The following MSI2 variants were observed in gnomAD, a reference collection of about 807,000 sequenced individuals.
MSI2 encodes RNA-binding protein Musashi homolog 2.
Under a neutral mutation model 45.6 loss-of-function variants are expected in MSI2, and 17 were observed. That is an observed-to-expected ratio of 0.37 (90% CI 0.26 to 0.56). The LOEUF (loss-of-function observed/expected upper bound fraction) is 0.56, where lower values mean the gene tolerates loss of function less well. Ranked by LOEUF, MSI2 falls within the 20% of genes least tolerant of loss-of-function variation. MSI2 has a pLI of 0.77. For missense variants in MSI2, 293 were observed against 444.2 expected, an observed-to-expected ratio of 0.66 and a Z score of 3.06; for synonymous variants, 156 against 158.2, an observed-to-expected ratio of 0.99 and a Z score of 0.11.
Position 57,608,613 on chromosome 17 carries a change from G to C in MSI2, c.538-7357G>C, listed in dbSNP as rs971504358. On this transcript the variant is annotated intron_variant, in intron 8 of 13. Transcript: ENST00000284073. Reference sequence around the variant, plus strand: ...GGCCCTGTCCTCAGAGGCCCCCCACGCTGGTCTAATGCTCTGCTCTTTGTT... The same window carrying C: ...GGCCCTGTCCTCAGAGGCCCCCCACCCTGGTCTAATGCTCTGCTCTTTGTT... Among the ~76,000 whole-genome samples the C allele has an allele frequency of 2.6e-5, 4 of 152,240 alleles. No individual in the cohort carries two copies. The East Asian group carries it at 7.7e-4, about 29-fold the overall frequency.
intron 6 of MSI2, among the ~76,000 whole-genome samples, chr17:57,460,021 C>T (rs1266634468): frequency 1.3e-5 from 2 of 151,556 alleles, no homozygotes; most frequent in Non-Finnish European, 2.9e-5. Flanking sequence ...CTCAGCTACT[C>T]GGGAGGCTGA....
At chr17:57,605,198 C>T (rs978473274) in intron 8 of MSI2, among the ~76,000 whole-genome samples, 1 of 152,220 alleles carries the variant, frequency 6.6e-6, no homozygotes, top group African/African-American at 2.4e-5. Context: ...GGGAGAGATC[C>T]TGCCCCCCAC....
At chr17:57,355,457 A>G (rs1916346524) in intron 5 of MSI2, among the ~76,000 whole-genome samples, 2 of 152,170 alleles carry the variant, frequency 1.3e-5, no homozygotes, top group Admixed American at 6.5e-5. Context: ...GTGTATGTCC[A>G]GCTTTGGTCT....
chr17:57,347,129 G>A (rs185886495), intron 5 of MSI2, among the ~76,000 whole-genome samples: 77 of 151,110 alleles, frequency 5.1e-4, no homozygotes, highest in Middle Eastern at 3.4e-3. Context: ...GCACTCTACT[G>A]TAGTGACTTC....
intron 6 of MSI2, among the ~76,000 whole-genome samples, chr17:57,521,523 G>A (rs2086584324): frequency 6.6e-6 from 1 of 152,202 alleles, no homozygotes; most frequent in Non-Finnish European, 1.5e-5. Context: ...CTAAGACTGA[G>A]TTAAGCTTAA....
intron 5 of MSI2, among the ~76,000 whole-genome samples, chr17:57,270,425 A>G (rs1166350469): frequency 6.6e-6 from 1 of 152,236 alleles, no homozygotes; most frequent in African/African-American, 2.4e-5. Flanking sequence ...TGCATCCAAC[A>G]TGAGTGGGCA....
At chr17:57,606,046 C>T (rs1395015655) in intron 8 of MSI2, among the ~76,000 whole-genome samples, 1 of 152,266 alleles carries the variant, frequency 6.6e-6, no homozygotes, top group Non-Finnish European at 1.5e-5. Flanking sequence ...GGGAAGCTCT[C>T]TTTGCACATC....
intron 11 of MSI2, among the ~76,000 whole-genome samples, chr17:57,653,953 G>A (rs1391782266): frequency 2.5e-5 from 3 of 120,140 alleles, no homozygotes; most frequent in South Asian, 2.6e-4. Flanking sequence ...TTTTTTTTTC[G>A]GGATCAATGG....
intron 5 of MSI2, among the ~76,000 whole-genome samples, chr17:57,337,811 G>T (rs941185470): frequency 2.6e-5 from 4 of 152,142 alleles, no homozygotes; most frequent in African/African-American, 4.8e-5. Flanking sequence ...ATAGAAAAGT[G>T]CAAATAAATG....
intron 3 of MSI2, 41 bp downstream of exon 3, chr17:57,257,588 A>G (rs2143139180): frequency 7.0e-7 from 1 of 1,419,960 alleles, no homozygotes; most frequent in Non-Finnish European, 9.9e-7. Flanking sequence ...ATTTTAGAAC[A>G]AAGTTTAAGT....
intron 5 of MSI2, among the ~76,000 whole-genome samples, chr17:57,377,903 G>A (rs1435408202): frequency 6.6e-6 from 1 of 151,896 alleles, no homozygotes; most frequent in Admixed American, 6.6e-5. Flanking sequence ...GTGAAACCCC[G>A]TCTCTACTAA....
chr17:57,498,350 G>A (rs868484263), intron 6 of MSI2, among the ~76,000 whole-genome samples: 1 of 152,238 alleles, frequency 6.6e-6, no homozygotes, highest in African/African-American at 2.4e-5. Context: ...TAAATGAGTA[G>A]CTAAGTATCT....
At chr17:57,532,452 A>G (rs1200193382) in intron 7 of MSI2, 3 of 152,198 alleles carry the variant, frequency 2.0e-5, no homozygotes, top group Non-Finnish European at 4.4e-5. Context: ...CGGAGGAGGC[A>G]TTTCTCTTTG....
At chr17:57,276,611 A>G (rs1048818847) in intron 5 of MSI2, among the ~76,000 whole-genome samples, 3 of 152,228 alleles carry the variant, frequency 2.0e-5, no homozygotes, top group Non-Finnish European at 4.4e-5. Context: ...TGAGGGAGGA[A>G]CAAGACCAGA....
chr17:57,314,837 T>C (rs1479957531), intron 5 of MSI2, among the ~76,000 whole-genome samples: 2 of 152,198 alleles, frequency 1.3e-5, no homozygotes, highest in Non-Finnish European at 2.9e-5. Context: ...CCCAAAGTGC[T>C]GGGATTACAG....
At chr17:57,498,745 C>T (rs1445318569) in intron 6 of MSI2, among the ~76,000 whole-genome samples, 2 of 152,158 alleles carry the variant, frequency 1.3e-5, no homozygotes, top group Non-Finnish European at 2.9e-5. Flanking sequence ...TTAATTAGTT[C>T]ATGGAACCTT....
Position 57,676,898 on chromosome 17 carries a change from T to G in MSI2, c.946-89T>G, listed in dbSNP as rs1185506105. 1.0e-5 allele frequency: 9 copies of G among 869,724 alleles called. No homozygotes were observed. In the East Asian group the frequency reaches 1.9e-4, roughly 19 times the overall value. The allele number at this position is 869,724 out of a possible 1,614,324, so 53.9% of individuals were successfully genotyped here. ...ATATTCATGCTGGCAACCACAGAAC[T>G]AGTCCTAGAGATAATTTCCTTTCCC... is the stretch of plus-strand genomic sequence containing the variant. On this transcript the variant is annotated intron_variant, in intron 12 of 13. Coordinates refer to ENST00000284073, the MANE Select transcript of MSI2 (RefSeq NM_138962.4).
At chr17:57,551,486 G>C (rs2087303929) in intron 7 of MSI2, among the ~76,000 whole-genome samples, 2 of 152,128 alleles carry the variant, frequency 1.3e-5, no homozygotes, top group African/African-American at 4.8e-5. Context: ...GGTTGCTATT[G>C]GATTGGAAAT....
chr17:57,543,019 G>T (rs1316189422), intron 7 of MSI2, among the ~76,000 whole-genome samples: 1 of 152,218 alleles, frequency 6.6e-6, no homozygotes, highest in African/African-American at 2.4e-5. Flanking sequence ...TATGACAAGA[G>T]GGTGGGCACT....
Sources: gnomAD v4.1 joint callset for allele counts (sites outside exome capture counted in the v4.1 genomes callset) on GRCh38, gnomAD v4.1.1 for gene constraint, MANE v1.5 for transcripts, NCBI Gene and HGNC (gene_info 2026-07-23, HGNC 2026-07-21) for gene names.